RP1: variants seen among roughly 807,000 people sequenced by gnomAD.
The protein encoded by RP1 is oxygen-regulated protein 1.
Under a neutral mutation model 14.8 loss-of-function variants are expected in RP1, and 16 were observed. The ratio of observed to expected loss-of-function variants is 1.08; its 90% CI spans 0.73 to 1.65. RP1 has a LOEUF of 1.65. Among genes scored for constraint, RP1 ranks in the 40% most tolerant of loss-of-function variants. RP1 has a pLI of 0.00. For missense variants in RP1, 2,631 were observed against 2,535.0 expected, an observed-to-expected ratio of 1.04 and a Z score of -0.81; for synonymous variants, 876 against 883.6, an observed-to-expected ratio of 0.99 and a Z score of 0.15.
chr8:54,670,632 T>C (rs1032533138), intron 7 of RP1, among the ~76,000 whole-genome samples: 2 of 133,168 alleles, frequency 1.5e-5, no homozygotes, highest in African/African-American at 5.6e-5. Context: ...TATACTCTGA[T>C]GTTAGGTGCA....
intron 13 of RP1, among the ~76,000 whole-genome samples, chr8:54,700,142 A>G (rs938840885): frequency 6.6e-6 from 1 of 152,154 alleles, no homozygotes; most frequent in Non-Finnish European, 1.5e-5. Flanking sequence ...GTGTGGAAGC[A>G]GGAATTTAAT....
intron 23 of RP1, among the ~76,000 whole-genome samples, chr8:54,777,454 G>T (rs920059276): frequency 2.0e-5 from 3 of 152,154 alleles, no homozygotes; most frequent in Non-Finnish European, 4.4e-5. Flanking sequence ...TTGTTTTCTG[G>T]ACTTAAAGTG....
intron 1 of RP1, among the ~76,000 whole-genome samples, chr8:54,567,528 GA>G (rs1191414571): frequency 2.0e-5 from 3 of 151,714 alleles, no homozygotes; most frequent in African/African-American, 4.8e-5. Context: ...GGATGGAGAA[GA>G]AAAAAATACT....
chr8:54,613,581 G>C (rs2888995), upstream of RP1, among the ~76,000 whole-genome samples: 5 of 152,196 alleles, frequency 3.3e-5, no homozygotes, highest in African/African-American at 9.7e-5. Flanking sequence ...AATGTATAGA[G>C]AGTATATTTA....
At chr8:54,560,710 C>G (rs1379581749) in intron 1 of RP1, 1 of 152,036 alleles carries the variant, frequency 6.6e-6, no homozygotes, top group East Asian at 1.9e-4. Flanking sequence ...GGGAATAATG[C>G]TGTGGCTGTG....
chr8:54,813,575 T>G (rs1458204122), intron 24 of RP1, among the ~76,000 whole-genome samples: 1 of 152,226 alleles, frequency 6.6e-6, no homozygotes, highest in Non-Finnish European at 1.5e-5. Context: ...AGTTTTAACA[T>G]TGCTTCATTA....
At chr8:54,789,685 C>A (rs1387864210) in intron 24 of RP1, among the ~76,000 whole-genome samples, 1 of 152,172 alleles carries the variant, frequency 6.6e-6, no homozygotes, top group Admixed American at 6.5e-5. Flanking sequence ...CCTGATGGAA[C>A]AGGGAGTCCA....
At chr8:54,703,217 A>G (rs1238458737) in intron 14 of RP1, among the ~76,000 whole-genome samples, 1 of 152,174 alleles carries the variant, frequency 6.6e-6, no homozygotes, top group African/African-American at 2.4e-5. Context: ...ATCACTGTCT[A>G]TGGCAGCTAT....
At chr8:54,810,746 AG>A (rs1810971268) in intron 24 of RP1, among the ~76,000 whole-genome samples, 1 of 152,212 alleles carries the variant, frequency 6.6e-6, no homozygotes, top group South Asian at 2.1e-4. Flanking sequence ...CCTGGAGAAG[AG>A]GGAAGGCTCG....
chr8:54,629,434 A>C lies in RP1; in HGVS notation c.5552A>C (p.His1851Pro), dbSNP rs1159796938. The change falls in exon 4 of 4, where the codon CAT becomes CCT. Residue 1851 changes from histidine to proline, a missense_variant. Transcript: ENST00000220676. ...TCAKERIANH[H>P]TEEKGSHQSE... ...GCCAAGGAAAGAATAGCAAATCATC[A>C]TACAGAGGAGAAGGGTAGTCATCAG... 27 of 1,614,184 alleles carry C rather than the reference A, an allele frequency of 1.7e-5. No individual in the cohort carries two copies. In the East Asian group the frequency reaches 6.0e-4, roughly 36 times the overall value.
intron 19 of RP1, among the ~76,000 whole-genome samples, chr8:54,750,423 C>T (rs559593753): frequency 5.3e-5 from 8 of 152,256 alleles, no homozygotes; most frequent in East Asian, 1.9e-4. Flanking sequence ...GCACAAAAAC[C>T]GCCCTCTTAC....
intron 27 of RP1, among the ~76,000 whole-genome samples, chr8:54,858,754 A>G (rs1289857376): frequency 6.6e-6 from 1 of 150,634 alleles, no homozygotes; most frequent in Non-Finnish European, 1.5e-5. Flanking sequence ...CTGTACAGCA[A>G]TGTTACTATA....
intron 15 of RP1, among the ~76,000 whole-genome samples, chr8:54,717,021 T>A (rs537870080): frequency 3.3e-5 from 5 of 152,170 alleles, no homozygotes; most frequent in Admixed American, 3.3e-4. Context: ...GCCCCTCCTT[T>A]CAGAATCGGA....
intron 12 of RP1, among the ~76,000 whole-genome samples, chr8:54,682,790 C>T (rs913807711): frequency 2.6e-5 from 4 of 152,072 alleles, no homozygotes; most frequent in Non-Finnish European, 5.9e-5. Context: ...TGTGCAGAAG[C>T]TCTTTAGTTT....
In RP1 at chr8:54,626,473, T is replaced by C. The variant is rs1806053930; in HGVS notation, c.2591T>C (p.Ile864Thr). The C allele has an allele frequency of 6.2e-7, 1 of 1,613,778 alleles. No homozygotes were observed. The highest frequency in any genetic ancestry group is 2.2e-5 in the East Asian group (1 of 44,802). Residue 864 changes from isoleucine (I) to threonine (T), a missense_variant, in exon 4 of 4, where the codon ATA becomes ACA. Physicochemically the swap from Ile to Thr is moderately conservative, Grantham distance 89. Coordinates refer to ENST00000220676, the MANE Select transcript of RP1 (RefSeq NM_006269.2). ...GTTTCAAAAGTTACTGATTCACACA[T>C]AACTTTAAAAAGCCAGAAAAAACGT... ...SLVSKVTDSHITLKSQKKRKG... is the reference protein window; with the variant it reads ...SLVSKVTDSHTTLKSQKKRKG...
chr8:54,649,022 G>T (rs1806603970), exon 4 of RP1: 18 of 1,524,990 alleles, frequency 1.2e-5, no homozygotes, highest in Non-Finnish European at 1.4e-5. Flanking sequence ...CCAGTGACTT[G>T]CCAGATGCAG....
chr8:54,866,380 G>A (rs1397517601), intron 28 of RP1, among the ~76,000 whole-genome samples: 1 of 152,118 alleles, frequency 6.6e-6, no homozygotes, highest in Non-Finnish European at 1.5e-5. Context: ...TACTAAAGTG[G>A]CGTAGATGTA....
intron 24 of RP1, among the ~76,000 whole-genome samples, chr8:54,794,998 A>C (rs1810547843): frequency 6.6e-6 from 1 of 152,100 alleles, no homozygotes; most frequent in African/African-American, 2.4e-5. Flanking sequence ...GGTGCTCAAC[A>C]TAACTAATCA....
At position 54,767,107 on chromosome 8, in the gene RP1, G is replaced by A. The variant is rs1809778992; in HGVS notation, c.3249-2634G>A. Among the ~76,000 whole-genome samples the A allele has an allele frequency of 2.0e-5, 3 of 152,148 alleles. No individual in the cohort carries two copies. The South Asian group carries it at 6.2e-4, about 31-fold the overall frequency. On this transcript the variant is annotated intron_variant, in intron 22 of 22. Coordinates refer to the RP1 transcript ENST00000636932. ...GGCAGTCACCCCAAATATATTTTCT[G>A]TAACACAACTGTGTACAAGGCACTG...
Sources: allele counts gnomAD v4.1 joint callset (sites outside exome capture counted in the v4.1 genomes callset), GRCh38; gene constraint gnomAD v4.1.1; transcripts MANE v1.5; gene names NCBI Gene and HGNC (gene_info 2026-07-23, HGNC 2026-07-21).